The following ANO3 variants were observed in gnomAD, a reference collection of about 807,000 sequenced individuals.
ANO3 encodes anoctamin 3, also known as anoctamin-3.
Under a neutral mutation model 144.8 loss-of-function variants are expected in ANO3, and 99 were observed. The observed-to-expected ratio is 0.68, with a 90% CI of 0.58 to 0.81. ANO3 has a LOEUF of 0.81. Among genes scored for constraint, ANO3 ranks in the 30% least tolerant of loss-of-function variants. ANO3 has a pLI of 0.00. For synonymous variants in ANO3, 414 were observed against 392.6 expected (o/e 1.05, Z -0.64); for missense variants, 905 against 1,202.2 (o/e 0.75, Z 3.66).
At chr11:26,660,103 T>C (rs533620682) in intron 26 of ANO3, among the ~76,000 whole-genome samples, 159 bp from the exon 27 acceptor site, 3 of 152,174 alleles carry the variant, frequency 2.0e-5, no homozygotes, top group Non-Finnish European at 2.9e-5. Context: ...AACAGTAGTG[T>C]TTTCAATATA....
intron 5 of ANO3, among the ~76,000 whole-genome samples, chr11:26,515,268 C>T (rs1861818211): frequency 6.6e-6 from 1 of 151,968 alleles, no homozygotes; most frequent in Non-Finnish European, 1.5e-5. Flanking sequence ...ACTAGTGTCT[C>T]AGTAAGCTAT....
chr11:26,311,826 G>T (rs953671480), intron 1 of ANO3, among the ~76,000 whole-genome samples: 1 of 152,018 alleles, frequency 6.6e-6, no homozygotes, highest in African/African-American at 2.4e-5. Context: ...CCTCTTAACT[G>T]ATTAAAAGCC....
intron 12 of ANO3, among the ~76,000 whole-genome samples, chr11:26,548,105 A>G (rs948538039): frequency 6.6e-6 from 1 of 151,952 alleles, no homozygotes; most frequent in Non-Finnish European, 1.5e-5. Context: ...TACGTGACAA[A>G]ACGTAACATA....
chr11:26,432,778 G>A (rs1311076683), intron 1 of ANO3, among the ~76,000 whole-genome samples: 1 of 152,064 alleles, frequency 6.6e-6, no homozygotes, highest in East Asian at 1.9e-4. Context: ...TTTTGTACTG[G>A]TATCATGCTA....
intron 1 of ANO3, among the ~76,000 whole-genome samples, chr11:26,367,033 C>T (rs1856111006): frequency 6.6e-6 from 1 of 152,130 alleles, no homozygotes; most frequent in African/African-American, 2.4e-5. Context: ...ACAAATGGTG[C>T]TGGCAAAACT....
chr11:26,325,455 C>G (rs746338227), intron 1 of ANO3, among the ~76,000 whole-genome samples: 9 of 152,064 alleles, frequency 5.9e-5, no homozygotes, highest in Non-Finnish European at 1.3e-4. Flanking sequence ...ATATGATTAA[C>G]TATTCAGTGA....
At chr11:26,400,108 G>A (rs765848528) in intron 1 of ANO3, among the ~76,000 whole-genome samples, 7 of 148,938 alleles carry the variant, frequency 4.7e-5, no homozygotes, top group Non-Finnish European at 1.0e-4. Context: ...AGTTTTTTTT[G>A]TTTTTGTTTT....
chr11:26,615,414 A>ATATATATATATATAT lies in ANO3; in HGVS notation c.1837-9047_1837-9046insATATATATATATATT, dbSNP rs1352935016. Among the ~76,000 whole-genome samples, 48 of 130,674 alleles carry ATATATATATATATAT rather than the reference A, an allele frequency of 3.7e-4. 1 individual carries two copies. Among genetic ancestry groups the ATATATATATATATAT allele is most frequent in the Non-Finnish European group, 6.9e-4 (43 of 62,528 alleles). The allele number at this position is 130,674 out of a possible 152,430, so 85.7% of individuals were successfully genotyped here. A position where few individuals can be genotyped will look rare whatever the true frequency, so the allele number is the denominator to read the frequency against. ...TCAGTTTATATATATATATATATAT[A>ATATATATATATATAT]TTTTTTTTTTTTCAGTTCCTCAATG... is the stretch of plus-strand genomic sequence containing the variant. On this transcript the variant is annotated intron_variant, in intron 17 of 26. Transcript: ENST00000256737.
At chr11:26,402,865 T>C (rs1229735946) in intron 1 of ANO3, among the ~76,000 whole-genome samples, 4 of 151,936 alleles carry the variant, frequency 2.6e-5, no homozygotes, top group African/African-American at 4.8e-5. Context: ...AAAATAAAAA[T>C]TAAAAAACAG....
In ANO3 at chr11:26,553,242, T is replaced by TTTTTTTTG; in HGVS notation, c.1290-7_1290-6insTTTTTTTG. On this transcript the variant is annotated splice_polypyrimidine_tract_variant and splice_region_variant and intron_variant, in intron 12 of 26. Transcript: ENST00000256737. ...TTGTTTTGTTTTTGTTTTTGTTTTT[T>TTTTTTTTG]CTCAAGCCAAGAAATTTGTAAAGCC... 1 of 1,429,470 alleles carries TTTTTTTTG rather than the reference T, an allele frequency of 7.0e-7. No homozygotes were observed. The highest frequency in any genetic ancestry group is 9.8e-7 in the Non-Finnish European group (1 of 1,024,182). The allele number at this position is 1,429,470 out of a possible 1,614,324, so 88.5% of individuals were successfully genotyped here.
chr11:26,509,445 T>C (rs2134139124), intron 5 of ANO3, among the ~76,000 whole-genome samples: 1 of 152,122 alleles, frequency 6.6e-6, no homozygotes, highest in East Asian at 1.9e-4. Context: ...CCCAAGTAGC[T>C]GGAATTACAG....
intron 14 of ANO3, among the ~76,000 whole-genome samples, chr11:26,597,083 C>G (rs569569791): frequency 2.6e-5 from 4 of 152,068 alleles, no homozygotes; most frequent in Admixed American, 2.6e-4. Flanking sequence ...AAGGATAGGA[C>G]AGAATAGCAA....
At chr11:26,210,710 G>A (rs901526061) in intron 1 of ANO3, among the ~76,000 whole-genome samples, 1 of 152,110 alleles carries the variant, frequency 6.6e-6, no homozygotes, top group Non-Finnish European at 1.5e-5. Flanking sequence ...TCCCTTGTAA[G>A]TTGTATTCCT....
chr11:26,408,385 C>T (rs1267788514), intron 1 of ANO3, among the ~76,000 whole-genome samples: 2 of 152,062 alleles, frequency 1.3e-5, no homozygotes, highest in African/African-American at 4.8e-5. Context: ...TGCTCATCAT[C>T]ACTGGCCATC....
chr11:26,543,942 G>A (rs907464160), intron 11 of ANO3, among the ~76,000 whole-genome samples: 3 of 151,680 alleles, frequency 2.0e-5, no homozygotes, highest in Admixed American at 1.3e-4. Flanking sequence ...CAAACATTAA[G>A]TGTTTTGGTA....
intron 1 of ANO3, among the ~76,000 whole-genome samples, chr11:26,350,088 A>G (rs915554290): frequency 1.9e-4 from 28 of 149,770 alleles, no homozygotes; most frequent in African/African-American, 7.1e-4. Flanking sequence ...GAAGGGGGAG[A>G]AGAAAGAAAC....
chr11:26,505,939 G>T (rs934034272), intron 4 of ANO3, among the ~76,000 whole-genome samples: 3 of 144,118 alleles, frequency 2.1e-5, no homozygotes, highest in Non-Finnish European at 4.5e-5. Context: ...CTTGCAGTGA[G>T]CCGAGACCGC....
rs185649984 is a variant in ANO3 at position 26,479,240 on chromosome 11, G to A, written c.432+16092G>A. 1.5e-3 allele frequency among the ~76,000 whole-genome samples: 232 copies of A among 152,180 alleles called. 1 individual carries two copies. Among genetic ancestry groups the A allele is most frequent in the African/African-American group, 5.4e-3 (224 of 41,534 alleles). ...TTTTTTGTTAGGAGAGGCTATGATT[G>A]GTTCAAATTAGATTTCTGTCATTTA... On this transcript the variant is annotated intron_variant, in intron 4 of 26. Transcript: ENST00000256737.
chr11:26,340,200 G>A (rs940676808), intron 1 of ANO3, among the ~76,000 whole-genome samples: 1 of 152,204 alleles, frequency 6.6e-6, no homozygotes, highest in Admixed American at 6.5e-5. Context: ...TGGTGCACAA[G>A]TAAAATGTCA....
Sources: allele counts gnomAD v4.1 joint callset (sites outside exome capture counted in the v4.1 genomes callset), GRCh38; gene constraint gnomAD v4.1.1; transcripts MANE v1.5; gene names NCBI Gene and HGNC (gene_info 2026-07-23, HGNC 2026-07-21).